The following GLIS3 variants were observed in gnomAD, a reference collection of about 807,000 sequenced individuals.
The protein encoded by GLIS3 is GLIS family zinc finger 3, also known as zinc finger protein GLIS3.
GLIS3 carries 53 observed loss-of-function variants against 78.6 expected under a neutral mutation model. That is an observed-to-expected ratio of 0.67 (90% CI 0.54 to 0.85). GLIS3 has a LOEUF of 0.85. GLIS3 is among the 40% of genes least tolerant of loss of function. The probability of loss-of-function intolerance (pLI) is 0.00; values close to 1 mark genes in which losing one functional copy is unlikely to be tolerated. For synonymous variants in GLIS3, 684 were observed against 509.9 expected (o/e 1.34, Z -4.60); for missense variants, 1,703 against 1,231.1 (o/e 1.38, Z -5.74).
chr9:3,904,054 C>T (rs1218136012), intron 6 of GLIS3, among the ~76,000 whole-genome samples: 1 of 152,184 alleles, frequency 6.6e-6, no homozygotes, highest in Admixed American at 6.5e-5. Context: ...TAAATATCCA[C>T]AGTCTCATAG....
chr9:4,004,315 C>T (rs909483664), intron 4 of GLIS3, among the ~76,000 whole-genome samples: 5 of 152,164 alleles, frequency 3.3e-5, no homozygotes, highest in Non-Finnish European at 5.9e-5. Context: ...TAGAGAAGGA[C>T]CGTTCTCAGT....
chr9:4,035,395 T>C (rs564785818), intron 4 of GLIS3, among the ~76,000 whole-genome samples: 9 of 151,770 alleles, frequency 5.9e-5, no homozygotes, highest in African/African-American at 1.9e-4. Context: ...TCCCTGCATG[T>C]TTGACAACCC....
intron 2 of GLIS3, among the ~76,000 whole-genome samples, chr9:4,248,629 G>A (rs369759154): frequency 3.5e-4 from 53 of 152,278 alleles, no homozygotes; most frequent in African/African-American, 1.3e-3. Context: ...TGGGTCAAAT[G>A]GTATTTCTGG....
chr9:4,298,641 G>C (rs1171851158), intron 1 of GLIS3: 1 of 219,322 alleles, frequency 4.6e-6, no homozygotes, highest in South Asian at 4.7e-5. Context: ...CCGAGACTGA[G>C]ACATTTTCCA....
intron 2 of GLIS3, among the ~76,000 whole-genome samples, chr9:4,257,765 G>C (rs891344832): frequency 6.6e-6 from 1 of 151,944 alleles, no homozygotes; most frequent in East Asian, 1.9e-4. Flanking sequence ...AGTAGAGATG[G>C]GGTTTCACTG....
chr9:4,158,837 T>C (rs1007250616), intron 2 of GLIS3, among the ~76,000 whole-genome samples: 2 of 151,804 alleles, frequency 1.3e-5, no homozygotes, highest in African/African-American at 4.8e-5. Context: ...AGACATAAAA[T>C]AGATGAGATG....
chr9:4,248,276 C>G (rs2129814503), intron 2 of GLIS3, among the ~76,000 whole-genome samples: 1 of 152,074 alleles, frequency 6.6e-6, no homozygotes, highest in South Asian at 2.1e-4. Flanking sequence ...GTGTGATGTT[C>G]CCCTCCATGT....
intron 2 of GLIS3, among the ~76,000 whole-genome samples, chr9:4,168,885 C>G (rs986644822): frequency 6.6e-5 from 10 of 152,166 alleles, no homozygotes; most frequent in African/African-American, 2.4e-4. Flanking sequence ...TCTGTTTAAT[C>G]TAGATTCTGT....
intron 4 of GLIS3, among the ~76,000 whole-genome samples, chr9:3,979,011 A>G (rs947238056): frequency 6.6e-6 from 1 of 152,172 alleles, no homozygotes; most frequent in Admixed American, 6.5e-5. Flanking sequence ...TGCAAATCCT[A>G]TACCATTTTA....
At chr9:3,875,502 T>C (rs1211360859) in intron 8 of GLIS3, 2 of 152,206 alleles carry the variant, frequency 1.3e-5, no homozygotes, top group East Asian at 3.8e-4. Flanking sequence ...GATGCCAGTT[T>C]CCCACTAAAA....
At chr9:4,316,964 T>C (rs1338387698) in intron 2 of GLIS3, among the ~76,000 whole-genome samples, 2 of 151,764 alleles carry the variant, frequency 1.3e-5, no homozygotes, top group Non-Finnish European at 2.9e-5. Context: ...TTTTAATATG[T>C]TTTGCTTAAA....
intron 1 of GLIS3, among the ~76,000 whole-genome samples, chr9:4,290,798 T>G (rs562042075): frequency 6.6e-6 from 1 of 152,232 alleles, no homozygotes; most frequent in South Asian, 2.1e-4. Flanking sequence ...TCAAAATTAT[T>G]CTTGTCTGCA....
At position 4,262,020 on chromosome 9, in the gene GLIS3, G is replaced by C. The variant is rs542424561; in HGVS notation, c.388+24018C>G. Among the ~76,000 whole-genome samples, 67 of 152,274 alleles carry C rather than the reference G, an allele frequency of 4.4e-4. 1 individual carries two copies. The highest frequency in any genetic ancestry group is 6.2e-4 in the South Asian group (3 of 4,826). ...GTGTAAGGTGGTTGTCTAGTGCTTAGAACATATTTTCATGGAGAGGAAAAT... is the reference window on the plus strand; with the variant it reads ...GTGTAAGGTGGTTGTCTAGTGCTTACAACATATTTTCATGGAGAGGAAAAT... On this transcript the variant is annotated intron_variant, in intron 2 of 10. Transcript: ENST00000381971.
intron 2 of GLIS3, among the ~76,000 whole-genome samples, chr9:4,187,899 G>A (rs147245327): frequency 0.24 from 36,740 of 150,390 alleles, 4,931 homozygotes; most frequent in Non-Finnish European, 0.3. Context: ...ATTTTGGGCG[G>A]AGACCATGGG....
the GLIS3 span, among the ~76,000 whole-genome samples, chr9:4,441,148 C>G: frequency 2.0e-5 from 3 of 152,050 alleles, no homozygotes; most frequent in Non-Finnish European, 4.4e-5. Context: ...TTTTATTTTT[C>G]TATCTTGCCT....
At chr9:4,322,402 G>C (rs988214057) in intron 2 of GLIS3, among the ~76,000 whole-genome samples, 16 of 152,100 alleles carry the variant, frequency 1.1e-4, no homozygotes, top group African/African-American at 3.9e-4. Flanking sequence ...TCAAAGGATT[G>C]GGTATATTAC....
intron 2 of GLIS3, among the ~76,000 whole-genome samples, chr9:4,217,446 G>C (rs537701815): frequency 6.6e-6 from 1 of 152,236 alleles, no homozygotes; most frequent in East Asian, 1.9e-4. Context: ...GGACATCATG[G>C]GCAGACATTT....
intron 1 of GLIS3, among the ~76,000 whole-genome samples, chr9:4,288,305 C>A (rs117016809): frequency 1.1e-3 from 172 of 152,166 alleles, no homozygotes; most frequent in African/African-American, 4.0e-3. Context: ...GAAGAAAGCA[C>A]GTATTCAGCA....
chr9:4,072,418 T>A (rs1827692150), intron 4 of GLIS3, among the ~76,000 whole-genome samples: 4 of 152,232 alleles, frequency 2.6e-5, no homozygotes, highest in Admixed American at 2.6e-4. Flanking sequence ...TACAGTCTCA[T>A]GGCAGGTCAA....
Sources: gnomAD v4.1 joint callset for allele counts (sites outside exome capture counted in the v4.1 genomes callset) on GRCh38, gnomAD v4.1.1 for gene constraint, MANE v1.5 for transcripts, NCBI Gene and HGNC (gene_info 2026-07-23, HGNC 2026-07-21) for gene names.